The following ANKRD11 variants were observed in gnomAD, a reference collection of about 807,000 sequenced individuals.
ANKRD11 encodes ankyrin repeat domain-containing protein 11.
A neutral mutation model predicts 195.7 loss-of-function variants in ANKRD11; 17 were observed. The observed-to-expected ratio is 0.09, with a 90% CI of 0.06 to 0.13. The LOEUF (loss-of-function observed/expected upper bound fraction) is 0.13, where lower values mean the gene tolerates loss of function less well. ANKRD11 is among the 10% of genes least tolerant of loss of function. The pLI is 1.00. For synonymous variants in ANKRD11, 1,953 were observed against 1,528.1 expected, an observed-to-expected ratio of 1.28 and a Z score of -6.49; for missense variants, 3,735 against 3,566.1, an observed-to-expected ratio of 1.05 and a Z score of -1.21.
At chr16:89,405,907 C>T (rs936562962) in intron 2 of ANKRD11, among the ~76,000 whole-genome samples, 1 of 151,936 alleles carries the variant, frequency 6.6e-6, no homozygotes, top group Non-Finnish European at 1.5e-5. Context: ...GACAGGAGTT[C>T]GAGAGCAGTC....
intron 2 of ANKRD11, among the ~76,000 whole-genome samples, chr16:89,410,222 G>A (rs1185386539): frequency 3.9e-5 from 6 of 152,148 alleles, no homozygotes; most frequent in African/African-American, 1.2e-4. Context: ...ATGCCAACCC[G>A]GTGGGTACGG....
intron 1 of ANKRD11, among the ~76,000 whole-genome samples, chr16:89,439,202 A>C (rs1173147818): frequency 6.6e-6 from 1 of 152,198 alleles, no homozygotes; most frequent in Non-Finnish European, 1.5e-5. Context: ...GGTTCAAGGA[A>C]GTCCCACTGT....
chr16:89,385,389 A>G (rs2040863866), intron 2 of ANKRD11, among the ~76,000 whole-genome samples: 2 of 152,052 alleles, frequency 1.3e-5, no homozygotes, highest in Non-Finnish European at 2.9e-5. Flanking sequence ...TCAGCCTCCC[A>G]AAGTGCTGGG....
chr16:89,437,894 G>GC (rs1263610401), intron 1 of ANKRD11, among the ~76,000 whole-genome samples: 5 of 152,200 alleles, frequency 3.3e-5, no homozygotes, highest in Non-Finnish European at 7.3e-5. Flanking sequence ...TGCAAACTAG[G>GC]CCCGGGGGCT....
At chr16:89,450,336 G>C (rs1161534957) in intron 1 of ANKRD11, among the ~76,000 whole-genome samples, 1 of 152,090 alleles carries the variant, frequency 6.6e-6, no homozygotes, top group Non-Finnish European at 1.5e-5. Flanking sequence ...AAAAACATAA[G>C]ACTCAGAGAC....
At chr16:89,409,916 T>G (rs1427744219) in intron 2 of ANKRD11, among the ~76,000 whole-genome samples, 4 of 152,150 alleles carry the variant, frequency 2.6e-5, no homozygotes, top group Non-Finnish European at 4.4e-5. Flanking sequence ...CTCAACTCAC[T>G]GCAAGCTCCG....
At chr16:89,321,816 A>T (rs1192942119) in intron 2 of ANKRD11, among the ~76,000 whole-genome samples, 1 of 152,116 alleles carries the variant, frequency 6.6e-6, no homozygotes, top group Non-Finnish European at 1.5e-5. Context: ...GGGTTCACTT[A>T]CACGCAGATT....
At chr16:89,328,859 AGTGGAG>A in intron 2 of ANKRD11, 1 of 105,686 alleles carries the variant, frequency 9.5e-6, no homozygotes, top group Non-Finnish European at 1.8e-5. Flanking sequence ...GGGCGAAATC[AGTGGAG>A]GCCCCTGCTG....
At chr16:89,466,222 G>A (rs1026502293) in intron 1 of ANKRD11, among the ~76,000 whole-genome samples, 3 of 151,786 alleles carry the variant, frequency 2.0e-5, no homozygotes, top group African/African-American at 4.8e-5. Flanking sequence ...TCAATTCTCT[G>A]AAGAAGAAAT....
chr16:89,302,183 G>A (rs530173293), intron 4 of ANKRD11, among the ~76,000 whole-genome samples: 26 of 152,326 alleles, frequency 1.7e-4, no homozygotes, highest in African/African-American at 6.0e-4. Flanking sequence ...GGGACGCGGC[G>A]TGTGTGAGAG....
At position 89,280,213 on chromosome 16, in the gene ANKRD11, G is replaced by C. The variant is rs754349927; in HGVS notation, c.6329C>G (p.Ser2110Cys). ...CACCGGCTCCACCTGGCCGAGGTGA[G>C]ACAGGCCGCGGCTGCCGTCCAGGAA... is the stretch of plus-strand genomic sequence containing the variant. ...NSFLDGSRGL[S>C]HLGQVEPVPW... Residue 2110 changes from serine (S) to cysteine (C), a missense_variant, in exon 9 of 13, where the codon TCT becomes TGT. Physicochemically the swap from Ser to Cys is moderately radical, Grantham distance 112 (BLOSUM62 -1). Coordinates refer to ENST00000301030, the MANE Select transcript of ANKRD11 (RefSeq NM_013275.6). 1 of 1,608,116 alleles carries C rather than the reference G, an allele frequency of 6.2e-7. No individual in the cohort carries two copies. Among genetic ancestry groups the C allele is most frequent in the Non-Finnish European group, 8.5e-7 (1 of 1,179,290 alleles).
intron 7 of ANKRD11, chr16:89,287,860 G>A (rs533611798): frequency 1.9e-4 from 55 of 286,874 alleles, no homozygotes; most frequent in African/African-American, 1.0e-3. Flanking sequence ...AGCACGACGG[G>A]CACCAGCAGA....
At chr16:89,348,851 G>A (rs1316260906) in intron 2 of ANKRD11, among the ~76,000 whole-genome samples, 1 of 150,492 alleles carries the variant, frequency 6.6e-6, no homozygotes. Context: ...TTTGGCTAAG[G>A]GGCTACCAGT....
chr16:89,329,218 C>T (rs929318343), intron 2 of ANKRD11, among the ~76,000 whole-genome samples: 8 of 152,152 alleles, frequency 5.3e-5, no homozygotes, highest in African/African-American at 1.9e-4. Context: ...CGGTGGCTGT[C>T]GAGGAGGCTC....
chr16:89,428,877 G>T (rs1007575525), intron 1 of ANKRD11, among the ~76,000 whole-genome samples: 1 of 152,162 alleles, frequency 6.6e-6, no homozygotes, highest in African/African-American at 2.4e-5. Context: ...CTGGGCAACA[G>T]AGCAAGACTC....
chr16:89,289,997 T>G (rs552608854), intron 6 of ANKRD11, among the ~76,000 whole-genome samples: 2 of 152,228 alleles, frequency 1.3e-5, no homozygotes, highest in Non-Finnish European at 2.9e-5. Context: ...GCCACTGCAC[T>G]CCAGCCTGAG....
At chr16:89,324,722 GACCTAC>G (rs2037598267) in intron 2 of ANKRD11, 1 of 334,254 alleles carries the variant, frequency 3.0e-6, no homozygotes, top group Non-Finnish European at 5.8e-6. Flanking sequence ...TGGGTTCTTG[GACCTAC>G]ACCAGTGGTT....
chr16:89,425,275 G>A (rs1446235705), intron 1 of ANKRD11, among the ~76,000 whole-genome samples: 2 of 151,966 alleles, frequency 1.3e-5, no homozygotes, highest in African/African-American at 4.8e-5. Context: ...TTAAATGGTG[G>A]GGCCAAGACC....
intron 11 of ANKRD11, among the ~76,000 whole-genome samples, chr16:89,274,249 G>A (rs148360439): frequency 6.6e-6 from 1 of 152,330 alleles, no homozygotes; most frequent in African/African-American, 2.4e-5. Context: ...TGCAGGGGTG[G>A]GCGGGAGCCC....
Sources: allele counts gnomAD v4.1 joint callset (sites outside exome capture counted in the v4.1 genomes callset), GRCh38; gene constraint gnomAD v4.1.1; transcripts MANE v1.5; gene names NCBI Gene and HGNC (gene_info 2026-07-23, HGNC 2026-07-21).